SOX6: variants seen among roughly 807,000 people sequenced by gnomAD.
The protein encoded by SOX6 is transcription factor SOX-6.
A neutral mutation model predicts 97.8 loss-of-function variants in SOX6; 11 were observed. That is an observed-to-expected ratio of 0.11 (90% CI 0.07 to 0.19). The LOEUF is 0.19. SOX6 is among the 10% of genes least tolerant of loss of function. The pLI, the probability that SOX6 is intolerant of heterozygous loss-of-function variation, is 1.00. For synonymous variants in SOX6, 360 were observed against 371.4 expected (o/e 0.97, Z 0.35); for missense variants, 810 against 1,039.5 (o/e 0.78, Z 3.04).
At chr11:16,394,711 CT>C (rs551169808) in intron 1 of SOX6, among the ~76,000 whole-genome samples, 22 of 151,856 alleles carry the variant, frequency 1.4e-4, no homozygotes, top group African/African-American at 4.6e-4. Context: ...GGTCTCATGG[CT>C]TTTCTTTGCA....
intron 4 of SOX6, among the ~76,000 whole-genome samples, chr11:16,532,307 AG>A (rs1861247567): frequency 6.6e-6 from 1 of 151,790 alleles, no homozygotes; most frequent in South Asian, 2.1e-4. Flanking sequence ...CTTACTCTTC[AG>A]TTTTTTAATC....
intron 9 of SOX6, among the ~76,000 whole-genome samples, chr11:16,056,506 G>A (rs1324497595): frequency 6.6e-6 from 1 of 152,126 alleles, no homozygotes; most frequent in Non-Finnish European, 1.5e-5. Flanking sequence ...GGCCAGATTG[G>A]TAGCAGTTTT....
In SOX6 at chr11:16,217,741, G is replaced by A. The variant is rs186771332; in HGVS notation, c.535+16841C>T. Among the ~76,000 whole-genome samples, 600 of 152,128 alleles carry A rather than the reference G, an allele frequency of 3.9e-3. 2 individuals carry two copies. The highest frequency in any genetic ancestry group is 6.9e-3 in the Non-Finnish European group (468 of 67,972). ...ATGTGCATATGTACAGTTTCAAGTC[G>A]ATCTATACTCCTGCCCTAATTCTTG... On this transcript the variant is annotated intron_variant, in intron 4 of 15. Coordinates refer to ENST00000683767, the MANE Select transcript of SOX6 (RefSeq NM_001367873.1).
intron 3 of SOX6, among the ~76,000 whole-genome samples, chr11:16,256,754 G>A (rs1853703901): frequency 6.6e-6 from 1 of 151,678 alleles, no homozygotes; most frequent in African/African-American, 2.4e-5. Flanking sequence ...TATACAGATT[G>A]GGATGAAAAA....
chr11:15,973,989 T>C (rs1187276007), intron 15 of SOX6, among the ~76,000 whole-genome samples: 1 of 152,218 alleles, frequency 6.6e-6, no homozygotes, highest in Admixed American at 6.5e-5. Context: ...GCATTATAAC[T>C]GGTACACAGG....
chr11:16,399,096 G>C (rs2134439111), intron 1 of SOX6, among the ~76,000 whole-genome samples: 1 of 151,310 alleles, frequency 6.6e-6, no homozygotes, highest in Non-Finnish European at 1.5e-5. Context: ...TTACGATCTA[G>C]ACTAAATCTC....
At chr11:16,659,041 G>A (rs953334785) in intron 3 of SOX6, among the ~76,000 whole-genome samples, 5 of 151,920 alleles carry the variant, frequency 3.3e-5, no homozygotes, top group South Asian at 4.2e-4. Context: ...TTTAATCTTA[G>A]TAAAGTTCAG....
At chr11:16,419,900 T>C (rs1384309842) in intron 1 of SOX6, among the ~76,000 whole-genome samples, 1 of 152,082 alleles carries the variant, frequency 6.6e-6, no homozygotes, top group Non-Finnish European at 1.5e-5. Flanking sequence ...AAACAGCAAC[T>C]CTCTTTGACT....
intron 12 of SOX6, among the ~76,000 whole-genome samples, chr11:16,027,941 T>C (rs770787107): frequency 5.3e-5 from 8 of 152,246 alleles, no homozygotes; most frequent in Non-Finnish European, 8.8e-5. Flanking sequence ...TCCAATTATT[T>C]ATTGAACTCA....
chr11:16,663,514 G>A (rs1035178675), intron 3 of SOX6, among the ~76,000 whole-genome samples: 3 of 151,938 alleles, frequency 2.0e-5, no homozygotes, highest in South Asian at 2.1e-4. Context: ...GCAGATACGG[G>A]GTATCACCAT....
At chr11:16,409,041 G>C (rs966707093) in intron 1 of SOX6, among the ~76,000 whole-genome samples, 2 of 151,958 alleles carry the variant, frequency 1.3e-5, no homozygotes, top group African/African-American at 4.8e-5. Flanking sequence ...CTTCAACTTT[G>C]GTGCAAGAGG....
chr11:16,540,930 C>G (rs1861396907), intron 4 of SOX6, among the ~76,000 whole-genome samples: 1 of 152,200 alleles, frequency 6.6e-6, no homozygotes, highest in South Asian at 2.1e-4. Flanking sequence ...CCATCCCCAT[C>G]AAGCTACCAA....
chr11:16,515,302 T>G (rs1426360540), intron 4 of SOX6, among the ~76,000 whole-genome samples: 67 of 151,984 alleles, frequency 4.4e-4, no homozygotes, highest in African/African-American at 9.2e-4. Context: ...GGCCAGTGAT[T>G]ATGAGCATTT....
At chr11:16,303,438 T>TC (rs1855326901) in intron 3 of SOX6, among the ~76,000 whole-genome samples, 1 of 152,224 alleles carries the variant, frequency 6.6e-6, no homozygotes, top group South Asian at 2.1e-4. Context: ...TTCTATGGTT[T>TC]TATCTGTGGA....
chr11:16,157,544 T>G (rs1850634974), intron 6 of SOX6, among the ~76,000 whole-genome samples: 1 of 152,032 alleles, frequency 6.6e-6, no homozygotes, highest in Non-Finnish European at 1.5e-5. Context: ...AAATGATTCA[T>G]CCAAGATCAC....
At chr11:16,637,714 CACGGATATGTCTGGATCCTAAGCTAA>C (rs1564854463) in intron 3 of SOX6, among the ~76,000 whole-genome samples, 1 of 152,076 alleles carries the variant, frequency 6.6e-6, no homozygotes, top group East Asian at 1.9e-4. Context: ...ATTCCAAGGT[CACGGATATGTCTGGATCCTAAGCTAA>C]TGAAGCCTTG....
chr11:16,071,330 C>G (rs1448823851), intron 9 of SOX6, among the ~76,000 whole-genome samples: 1 of 152,202 alleles, frequency 6.6e-6, no homozygotes, highest in African/African-American at 2.4e-5. Context: ...GCAACACCTG[C>G]TAGAGATTCT....
intron 4 of SOX6, among the ~76,000 whole-genome samples, chr11:16,542,350 A>T (rs1400153571): frequency 6.6e-6 from 1 of 152,174 alleles, no homozygotes; most frequent in Non-Finnish European, 1.5e-5. Flanking sequence ...GCATTAGGAG[A>T]AATACCTAAT....
chr11:16,461,326 C>A (rs1482174064), intron 1 of SOX6, among the ~76,000 whole-genome samples: 1 of 151,830 alleles, frequency 6.6e-6, no homozygotes, highest in African/African-American at 2.4e-5. Context: ...TTTTTTTTAA[C>A]CCTCTAATCC....
Sources: gnomAD v4.1 joint callset for allele counts (sites outside exome capture counted in the v4.1 genomes callset) on GRCh38, gnomAD v4.1.1 for gene constraint, MANE v1.5 for transcripts, NCBI Gene and HGNC (gene_info 2026-07-23, HGNC 2026-07-21) for gene names.